KIAA1958: variants seen among roughly 807,000 people sequenced by gnomAD.
KIAA1958 encodes the protein KIAA1958.
A neutral mutation model predicts 47.2 loss-of-function variants in KIAA1958; 14 were observed. The observed-to-expected ratio is 0.30, with a 90% confidence interval of 0.20 to 0.46. The LOEUF is 0.46. KIAA1958 is among the 20% of genes least tolerant of loss of function. KIAA1958 has a pLI of 1.00. For missense variants in KIAA1958, 803 were observed against 909.2 expected, an observed-to-expected ratio of 0.88 and a Z score of 1.50; for synonymous variants, 354 against 353.3, an observed-to-expected ratio of 1.00 and a Z score of -0.02.
chr9:112,532,016 C>A (rs890657654), intron 1 of KIAA1958, among the ~76,000 whole-genome samples: 1 of 152,196 alleles, frequency 6.6e-6, no homozygotes, highest in Admixed American at 6.5e-5. Context: ...ACATTCCTCT[C>A]ATAGGAGACT....
chr9:112,655,674 G>A (rs913901280), intron 3 of KIAA1958, among the ~76,000 whole-genome samples: 3 of 152,202 alleles, frequency 2.0e-5, no homozygotes, highest in Admixed American at 2.0e-4. Context: ...AACTTTGGCT[G>A]GAGAGAGGGG....
At chr9:112,592,596 A>G (rs1316376267) in intron 2 of KIAA1958, among the ~76,000 whole-genome samples, 1 of 152,234 alleles carries the variant, frequency 6.6e-6, no homozygotes, top group Non-Finnish European at 1.5e-5. Flanking sequence ...TCAGTGATTG[A>G]TAACTATTAG....
chr9:112,588,974 C>A (rs1326695692), intron 2 of KIAA1958, among the ~76,000 whole-genome samples: 1 of 151,774 alleles, frequency 6.6e-6, no homozygotes, highest in Admixed American at 6.6e-5. Context: ...CAGGTCAGAT[C>A]TCACTATGTT....
In KIAA1958 at chr9:112,664,760, C is replaced by T. The variant is rs920938838; in HGVS notation, c.*4691C>T. On this transcript the variant is annotated 3_prime_UTR_variant, in exon 4 of 4. Transcript: ENST00000337530. ...AGGAGGAGGGAGGGATTTGTGGTGA[C>T]CTACCGCTGCCCTCCCTTTCTAAGA... 10 of 152,128 alleles carry T rather than the reference C, an allele frequency of 6.6e-5. No individual in the cohort carries two copies. The highest frequency in any genetic ancestry group is 6.5e-4 in the Admixed American group (10 of 15,268). The allele number at this position is 152,128 out of a possible 1,614,324, so 9.4% of individuals were successfully genotyped here. A position where few individuals can be genotyped will look rare whatever the true frequency, so the allele number is the denominator to read the frequency against.
In KIAA1958 at chr9:112,612,031, A is replaced by G. The variant is rs1480797571; in HGVS notation, c.1172-33619A>G. Among the ~76,000 whole-genome samples the G allele has an allele frequency of 5.3e-5, 4 of 75,788 alleles. No homozygotes were observed. The East Asian group carries it at 1.1e-3, about 21-fold the overall frequency. 49.7% of individuals were successfully genotyped at this position (75,788 alleles called of 152,430 possible). A position where few individuals can be genotyped will look rare whatever the true frequency, so the allele number is the denominator to read the frequency against. ...AAAGAAAAATATATATTATTGACAA[A>G]GGGTTAAATATATATTAAAAAATGT... On this transcript the variant is annotated intron_variant, in intron 2 of 3. Coordinates refer to ENST00000337530, the MANE Select transcript of KIAA1958 (RefSeq NM_133465.4).
At chr9:112,580,333 A>G (rs1457002833) in intron 2 of KIAA1958, among the ~76,000 whole-genome samples, 2 of 152,112 alleles carry the variant, frequency 1.3e-5, no homozygotes, top group African/African-American at 4.8e-5. Context: ...TACGTGTTTT[A>G]TTTAAAGGCA....
At position 112,647,872 on chromosome 9, in the gene KIAA1958, A is replaced by C. The variant is rs187642179; in HGVS notation, c.1344+2050A>C. Among the ~76,000 whole-genome samples, 364 of 152,368 alleles carry C rather than the reference A, an allele frequency of 2.4e-3. 1 individual carries two copies. Among genetic ancestry groups the C allele is most frequent in the South Asian group, 0.021 (103 of 4,828 alleles). Reference sequence around the variant, plus strand: ...AAAGTTTGGCAATCTCACTAATTTGAGGGTAGGCAGAGATCACAGTTTAGA... The same window carrying C: ...AAAGTTTGGCAATCTCACTAATTTGCGGGTAGGCAGAGATCACAGTTTAGA... On this transcript the variant is annotated intron_variant, in intron 3 of 3. Transcript: ENST00000337530.
At chr9:112,524,324 C>T (rs1834603965) in intron 1 of KIAA1958, among the ~76,000 whole-genome samples, 1 of 152,238 alleles carries the variant, frequency 6.6e-6, no homozygotes, top group Admixed American at 6.5e-5. Flanking sequence ...GTGTATTGAA[C>T]AGCCATTTAC....
chr9:112,545,264 G>A (rs1183830927), intron 1 of KIAA1958, among the ~76,000 whole-genome samples: 2 of 152,134 alleles, frequency 1.3e-5, no homozygotes, highest in African/African-American at 4.8e-5. Flanking sequence ...TTAAGATCTT[G>A]GAGTATAATA....
At chr9:112,568,659 G>A (rs1455696065) in intron 1 of KIAA1958, among the ~76,000 whole-genome samples, 1 of 151,844 alleles carries the variant, frequency 6.6e-6, no homozygotes, top group African/African-American at 2.4e-5. Flanking sequence ...GAGGTAGATC[G>A]CTTGAGCTCA....
chr9:112,522,218 G>A (rs944242897), intron 1 of KIAA1958, among the ~76,000 whole-genome samples: 9 of 152,188 alleles, frequency 5.9e-5, no homozygotes, highest in East Asian at 1.9e-4. Flanking sequence ...TGATTCACCC[G>A]CCTCGGCCTC....
chr9:112,640,991 A>T (rs1012409870), intron 2 of KIAA1958, among the ~76,000 whole-genome samples: 9 of 151,254 alleles, frequency 6.0e-5, no homozygotes, highest in Middle Eastern at 3.2e-3. Flanking sequence ...ACAATCCTTT[A>T]AAAAAAAACC....
intron 1 of KIAA1958, 76 bp from the exon 2 acceptor site, chr9:112,573,981 G>T: frequency 1.3e-6 from 1 of 756,876 alleles, no homozygotes; most frequent in Non-Finnish European, 2.1e-6. Context: ...GATCATATTT[G>T]GAACAAACTG....
At chr9:112,649,620 A>G (rs559269386) in intron 3 of KIAA1958, among the ~76,000 whole-genome samples, 1 of 152,310 alleles carries the variant, frequency 6.6e-6, no homozygotes, top group Admixed American at 6.5e-5. Context: ...GCCAGATAAA[A>G]AAGACATATT....
chr9:112,573,890 G>GTAT (rs1212864017), intron 1 of KIAA1958, among the ~76,000 whole-genome samples, 167 bp from the exon 2 acceptor site: 3 of 151,398 alleles, frequency 2.0e-5, no homozygotes, highest in African/African-American at 7.3e-5. Flanking sequence ...ACTTTTCCTG[G>GTAT]TATTCTCTTC....
In KIAA1958 at chr9:112,659,580, T is replaced by A; in HGVS notation, c.1662T>A (p.Thr554=). The part of the protein sequence containing the change: ...AGCLGDDSPI[T]LLSTVVKYNS... ...GTCTGGGGGATGACAGCCCTATCACTCTCCTGTCCACTGTGGTCAAGTACA... is the reference window on the plus strand; with the variant it reads ...GTCTGGGGGATGACAGCCCTATCACACTCCTGTCCACTGTGGTCAAGTACA... Residue 554 remains threonine (T), a synonymous_variant, in exon 4 of 4, where the codon ACT becomes ACA. Transcript: ENST00000337530. The A allele has an allele frequency of 2.5e-6, 4 of 1,613,316 alleles. No individual in the cohort carries two copies. Among genetic ancestry groups the A allele is most frequent in the South Asian group, 2.2e-5 (2 of 90,932 alleles).
chr9:112,571,779 G>A (rs1835538844), intron 1 of KIAA1958, among the ~76,000 whole-genome samples: 1 of 143,240 alleles, frequency 7.0e-6, no homozygotes, highest in Admixed American at 7.2e-5. Context: ...GACACCCCTA[G>A]GTTAAAAAAT....
chr9:112,572,325 A>C (rs960018951), intron 1 of KIAA1958, among the ~76,000 whole-genome samples: 14 of 152,204 alleles, frequency 9.2e-5, no homozygotes, highest in African/African-American at 3.4e-4. Flanking sequence ...GTAAACATTC[A>C]TTCATTCTTC....
Position 112,571,263 on chromosome 9 carries a change from T to A in KIAA1958, c.-24-2794T>A, listed in dbSNP as rs543415572. On this transcript the variant is annotated intron_variant, in intron 1 of 3. Coordinates refer to ENST00000337530, the MANE Select transcript of KIAA1958 (RefSeq NM_133465.4). ...AGTTCACCCCATGTCAGTTTATCAC[T>A]CATATGCATTTCCTTAAACCATACT... Among the ~76,000 whole-genome samples, 9 of 152,334 alleles carry A rather than the reference T, an allele frequency of 5.9e-5. No homozygotes were observed. In the South Asian group the frequency reaches 1.7e-3, roughly 28 times the overall value.
Sources: gnomAD v4.1 joint callset for allele counts (sites outside exome capture counted in the v4.1 genomes callset) on GRCh38, gnomAD v4.1.1 for gene constraint, MANE v1.5 for transcripts, NCBI Gene and HGNC (gene_info 2026-07-23, HGNC 2026-07-21) for gene names.